GPR158: variants seen among roughly 807,000 people sequenced by gnomAD.
GPR158 encodes G protein-coupled receptor 158.
In GPR158, 30 loss-of-function variants were observed where a neutral mutation model predicts 78.2. The observed-to-expected ratio is 0.38, with a 90% CI of 0.29 to 0.52. The LOEUF (loss-of-function observed/expected upper bound fraction) is 0.52. Among genes scored for constraint, GPR158 ranks in the 20% least tolerant of loss-of-function variants. GPR158 has a pLI of 0.83. For synonymous variants in GPR158, 581 were observed against 591.1 expected, an observed-to-expected ratio of 0.98 and a Z score of 0.25; for missense variants, 1,463 against 1,523.5, an observed-to-expected ratio of 0.96 and a Z score of 0.66.
At chr10:25,323,899 G>A (rs908322698) in intron 2 of GPR158, among the ~76,000 whole-genome samples, 3 of 152,158 alleles carry the variant, frequency 2.0e-5, no homozygotes, top group Admixed American at 2.0e-4. Flanking sequence ...TTATGTTATA[G>A]ACATAGTTGC....
At chr10:25,339,115 C>T (rs950202292) in intron 2 of GPR158, among the ~76,000 whole-genome samples, 1 of 150,488 alleles carries the variant, frequency 6.6e-6, no homozygotes, top group Non-Finnish European at 1.5e-5. Context: ...CTTCCAAGTA[C>T]CTGGGACTAC....
chr10:25,597,815 G>C lies in GPR158; in HGVS notation c.2189G>C (p.Arg730Thr). ...KLYAQLEIYK[R>T]KKMITNNPHL... ...TATGCCCAACTGGAAATATATAAAA[G>C]AAAGAAGATGATCACAAACAACCCC... The change falls in exon 11 of 11, where the codon AGA becomes ACA. Residue 730 changes from arginine (R) to threonine (T), a missense_variant. By Grantham distance (71) the Arg-to-Thr change is moderately conservative (BLOSUM62 -1). Coordinates refer to ENST00000376351, the MANE Select transcript of GPR158 (RefSeq NM_020752.3). 1 of 1,518,936 alleles carries C rather than the reference G, an allele frequency of 6.6e-7. No individual in the cohort carries two copies. Among genetic ancestry groups the C allele is most frequent in the Non-Finnish European group, 8.8e-7 (1 of 1,136,042 alleles). The allele number at this position is 1,518,936 out of a possible 1,614,324, so 94.1% of individuals were successfully genotyped here. A position where few individuals can be genotyped will look rare whatever the true frequency, so the allele number is the denominator to read the frequency against.
intron 4 of GPR158, among the ~76,000 whole-genome samples, chr10:25,451,765 A>T (rs1835220535): frequency 6.6e-6 from 1 of 152,164 alleles, no homozygotes; most frequent in Non-Finnish European, 1.5e-5. Context: ...GGGGTTAATA[A>T]GTGTGAAGTG....
At chr10:25,375,057 G>A (rs2130556583) in intron 2 of GPR158, among the ~76,000 whole-genome samples, 1 of 151,698 alleles carries the variant, frequency 6.6e-6, no homozygotes, top group South Asian at 2.1e-4. Flanking sequence ...AGTAGTTGGT[G>A]TGATCACTTT....
At chr10:25,417,491 A>T (rs1484495160) in intron 4 of GPR158, among the ~76,000 whole-genome samples, 1 of 152,176 alleles carries the variant, frequency 6.6e-6, no homozygotes, top group Non-Finnish European at 1.5e-5. Flanking sequence ...GGTTCTATGC[A>T]TGAAATCTAT....
intron 2 of GPR158, among the ~76,000 whole-genome samples, chr10:25,345,394 A>G (rs998033570): frequency 6.6e-6 from 1 of 151,998 alleles, no homozygotes; most frequent in African/African-American, 2.4e-5. Context: ...TCGGTCAATA[A>G]GAGTACTCCA....
chr10:25,218,083 C>A lies in GPR158; in HGVS notation c.903-2969C>A, dbSNP rs934369865. On this transcript the variant is annotated intron_variant, in intron 1 of 10. Coordinates refer to ENST00000376351, the MANE Select transcript of GPR158 (RefSeq NM_020752.3). ...TGTTGGATCTTTGCGTCCCTTTCAG[C>A]GGCAGGATGCTCTTCCCCACAAAGA... 6.6e-5 allele frequency among the ~76,000 whole-genome samples: 10 copies of A among 152,180 alleles called. No individual in the cohort carries two copies. In the East Asian group the frequency reaches 1.9e-3, roughly 30 times the overall value.
At chr10:25,270,741 C>G (rs189647504) in intron 2 of GPR158, among the ~76,000 whole-genome samples, 10 of 152,172 alleles carry the variant, frequency 6.6e-5, no homozygotes, top group African/African-American at 1.9e-4. Context: ...GATTTTATCT[C>G]ATACTATTTT....
chr10:25,445,256 T>A (rs1226805371), intron 4 of GPR158, among the ~76,000 whole-genome samples: 1 of 152,156 alleles, frequency 6.6e-6, no homozygotes, highest in Non-Finnish European at 1.5e-5. Flanking sequence ...ATATTTGAAC[T>A]GCTTTAAAAG....
intron 1 of GPR158, among the ~76,000 whole-genome samples, chr10:25,192,501 A>G (rs1178425831): frequency 6.6e-6 from 1 of 152,184 alleles, no homozygotes; most frequent in Non-Finnish European, 1.5e-5. Flanking sequence ...TTTGAATCCA[A>G]GAATTTCCAC....
intron 4 of GPR158, among the ~76,000 whole-genome samples, chr10:25,451,619 T>C (rs1226094981): frequency 6.6e-6 from 1 of 152,216 alleles, no homozygotes; most frequent in Non-Finnish European, 1.5e-5. Context: ...AGGGCAAAGT[T>C]GAGTAATACC....
chr10:25,203,291 C>G (rs1305043048), intron 1 of GPR158, among the ~76,000 whole-genome samples: 3 of 152,138 alleles, frequency 2.0e-5, no homozygotes, highest in Non-Finnish European at 4.4e-5. Flanking sequence ...GCTTTTGTTG[C>G]TATTGCTTTT....
chr10:25,471,353 C>A (rs985818086), intron 5 of GPR158, among the ~76,000 whole-genome samples: 6 of 152,152 alleles, frequency 3.9e-5, no homozygotes, highest in African/African-American at 1.4e-4. Flanking sequence ...TAATCCCAGT[C>A]TATCATTGAT....
intron 2 of GPR158, among the ~76,000 whole-genome samples, chr10:25,343,023 A>G (rs114356044): frequency 6.6e-6 from 1 of 152,020 alleles, no homozygotes; most frequent in African/African-American, 2.4e-5. Flanking sequence ...ATATCAATGA[A>G]AGTCTCTGAT....
At chr10:25,392,062 G>A (rs749568178) in intron 2 of GPR158, among the ~76,000 whole-genome samples, 19 of 152,018 alleles carry the variant, frequency 1.2e-4, no homozygotes, top group African/African-American at 3.6e-4. Flanking sequence ...TTTGCCTTCC[G>A]CCATGATTGT....
At chr10:25,207,016 A>C (rs1174652764) in intron 1 of GPR158, among the ~76,000 whole-genome samples, 1 of 151,958 alleles carries the variant, frequency 6.6e-6, no homozygotes, top group Admixed American at 6.6e-5. Context: ...CAAAGAGCCC[A>C]TAATGGATAC....
At chr10:25,467,043 T>A (rs1448606333) in intron 5 of GPR158, among the ~76,000 whole-genome samples, 1 of 152,098 alleles carries the variant, frequency 6.6e-6, no homozygotes, top group Non-Finnish European at 1.5e-5. Flanking sequence ...CCAGGGTGGT[T>A]GGGGTGCAGC....
At chr10:25,268,845 C>T (rs564384481) in intron 2 of GPR158, among the ~76,000 whole-genome samples, 5 of 152,096 alleles carry the variant, frequency 3.3e-5, no homozygotes, top group Non-Finnish European at 7.4e-5. Context: ...TCAAATGAAC[C>T]AATACTATAT....
At chr10:25,355,301 T>C (rs1347921100) in intron 2 of GPR158, among the ~76,000 whole-genome samples, 3 of 152,122 alleles carry the variant, frequency 2.0e-5, no homozygotes, top group Admixed American at 6.6e-5. Flanking sequence ...ACTATTCTGC[T>C]GCTGAGAGCC....
Sources: gnomAD v4.1 joint callset for allele counts (sites outside exome capture counted in the v4.1 genomes callset) on GRCh38, gnomAD v4.1.1 for gene constraint, MANE v1.5 for transcripts, NCBI Gene and HGNC (gene_info 2026-07-23, HGNC 2026-07-21) for gene names.